PTPRD: variants seen among roughly 807,000 people sequenced by gnomAD.
PTPRD encodes receptor-type tyrosine-protein phosphatase delta.
PTPRD carries 34 observed loss-of-function variants against 214.5 expected under a neutral mutation model. The observed-to-expected ratio is 0.16, with a 90% CI of 0.12 to 0.21. PTPRD has a LOEUF of 0.21. Among genes scored for constraint, PTPRD ranks in the 10% least tolerant of loss-of-function variants. The pLI is 1.00. For missense variants in PTPRD, 2,545 were observed against 2,398.7 expected (o/e 1.06, Z -1.27); for synonymous variants, 1,128 against 845.7 (o/e 1.33, Z -5.79).
chr9:8,489,541 C>T (rs2097106111), intron 27 of PTPRD, among the ~76,000 whole-genome samples: 1 of 152,170 alleles, frequency 6.6e-6, no homozygotes, highest in East Asian at 1.9e-4. Flanking sequence ...GCTTATGCAG[C>T]TTGGGGAAGA....
At chr9:10,171,508 T>A (rs939421034) in intron 3 of PTPRD, among the ~76,000 whole-genome samples, 1 of 151,930 alleles carries the variant, frequency 6.6e-6, no homozygotes, top group African/African-American at 2.4e-5. Flanking sequence ...AATTACTCAG[T>A]CTCTGGTATA....
intron 12 of PTPRD, among the ~76,000 whole-genome samples, chr9:8,645,546 T>C (rs2096668694): frequency 6.6e-6 from 1 of 152,184 alleles, no homozygotes; most frequent in African/African-American, 2.4e-5. Context: ...TATTAAAGCA[T>C]TTCCCATTTG....
At chr9:10,496,168 T>C (rs756410688) in intron 2 of PTPRD, among the ~76,000 whole-genome samples, 4 of 151,972 alleles carry the variant, frequency 2.6e-5, no homozygotes, top group Admixed American at 6.6e-5. Context: ...GGCTATAATA[T>C]AAAAAATGTA....
At chr9:10,471,863 T>C (rs1467547700) in intron 2 of PTPRD, among the ~76,000 whole-genome samples, 10 of 152,046 alleles carry the variant, frequency 6.6e-5, no homozygotes, top group Non-Finnish European at 1.2e-4. Context: ...ACCATAATTA[T>C]TTGAAAAGGA....
intron 4 of PTPRD, among the ~76,000 whole-genome samples, chr9:9,995,882 C>G (rs10759122): frequency 0.85 from 128,741 of 152,134 alleles, 54,956 homozygotes; most frequent in Middle Eastern, 0.9. Context: ...TGTTAATTTA[C>G]ATTCCACTTG....
intron 11 of PTPRD, among the ~76,000 whole-genome samples, chr9:8,933,220 G>A (rs528984953): frequency 3.3e-5 from 5 of 151,900 alleles, no homozygotes; most frequent in African/African-American, 1.2e-4. Context: ...CAGTTCCAAT[G>A]AGATGAGCAG....
intron 3 of PTPRD, among the ~76,000 whole-genome samples, chr9:10,082,662 C>T (rs938790055): frequency 6.6e-6 from 1 of 151,788 alleles, no homozygotes; most frequent in East Asian, 1.9e-4. Flanking sequence ...TGCCTGATCC[C>T]TAGTAGTGCA....
At chr9:10,324,314 A>G (rs1057415899) in intron 3 of PTPRD, among the ~76,000 whole-genome samples, 3 of 152,078 alleles carry the variant, frequency 2.0e-5, no homozygotes, top group Non-Finnish European at 4.4e-5. Flanking sequence ...GATATTAATA[A>G]TACCTTATAA....
At chr9:9,832,100 C>T (rs546081067) in intron 5 of PTPRD, among the ~76,000 whole-genome samples, 71 of 152,126 alleles carry the variant, frequency 4.7e-4, no homozygotes, top group African/African-American at 1.6e-3. Flanking sequence ...AGGGTAATAA[C>T]TTGCCTATAA....
At position 8,317,884 on chromosome 9, in the gene PTPRD, T is replaced by C. The variant is rs781674096; in HGVS notation, c.5729A>G (p.Tyr1910Cys). The stretch of plus-strand genomic sequence containing the variant: ...ATGGGTCAGGGGTTTCTACGTTGCA[T>C]AGTGGTCAAAGCTGCCCAGGTACTC... ...ALEYLGSFDH[Y>C]AT The change falls in exon 46 of 46, where the codon TAT becomes TGT. Residue 1910 changes from tyrosine to cysteine, a missense_variant. By Grantham distance (194) the Tyr-to-Cys change is radical. Coordinates refer to ENST00000381196, the MANE Select transcript of PTPRD (RefSeq NM_002839.4). The C allele has an allele frequency of 1.3e-5, 21 of 1,612,030 alleles. No homozygotes were observed. The highest frequency in any genetic ancestry group is 2.7e-5 in the African/African-American group (2 of 74,736).
intron 11 of PTPRD, among the ~76,000 whole-genome samples, chr9:8,822,070 C>G (rs1414150648): frequency 6.6e-6 from 1 of 152,198 alleles, no homozygotes; most frequent in Non-Finnish European, 1.5e-5. Flanking sequence ...ACTGTGAAAG[C>G]AGAAAACACA....
chr9:9,056,865 G>C (rs541886093), intron 10 of PTPRD, among the ~76,000 whole-genome samples: 2 of 152,096 alleles, frequency 1.3e-5, no homozygotes, highest in African/African-American at 2.4e-5. Flanking sequence ...TGCATATTAG[G>C]GATAGAAAAA....
At chr9:10,009,633 C>T (rs558953841) in intron 4 of PTPRD, among the ~76,000 whole-genome samples, 1 of 151,954 alleles carries the variant, frequency 6.6e-6, no homozygotes, top group East Asian at 1.9e-4. Flanking sequence ...CTGTTGAGAT[C>T]TTTAAAAGGT....
intron 5 of PTPRD, among the ~76,000 whole-genome samples, chr9:9,907,222 C>T (rs1437580444): frequency 6.6e-6 from 1 of 151,872 alleles, no homozygotes; most frequent in Admixed American, 6.6e-5. Flanking sequence ...TTGTCATATA[C>T]ATGATGATTA....
intron 11 of PTPRD, among the ~76,000 whole-genome samples, chr9:8,763,969 T>TA (rs549825469): frequency 3.7e-4 from 56 of 152,362 alleles, no homozygotes; most frequent in South Asian, 2.7e-3. Context: ...TAATGCTTTT[T>TA]AAATATCAGT....
chr9:8,696,851 C>A (rs980415097), intron 12 of PTPRD, among the ~76,000 whole-genome samples: 7 of 152,154 alleles, frequency 4.6e-5, no homozygotes, highest in Non-Finnish European at 8.8e-5. Context: ...AAAAACCGTT[C>A]CCTTTCTTAG....
chr9:10,002,488 A>T (rs1023859399), intron 4 of PTPRD, among the ~76,000 whole-genome samples: 1 of 151,082 alleles, frequency 6.6e-6, no homozygotes, highest in Non-Finnish European at 1.5e-5. Flanking sequence ...TAAAAGGATG[A>T]TAAGATACAT....
intron 8 of PTPRD, among the ~76,000 whole-genome samples, chr9:9,554,678 T>G (rs1463207880): frequency 6.6e-6 from 1 of 151,950 alleles, no homozygotes; most frequent in African/African-American, 2.4e-5. Flanking sequence ...TCAACTCCAG[T>G]GTCTTCAAAT....
intron 10 of PTPRD, among the ~76,000 whole-genome samples, chr9:9,068,110 C>T (rs324510): frequency 0.97 from 148,384 of 152,258 alleles, 72,430 homozygotes; most frequent in Middle Eastern, 1. Context: ...ATTTTTTTCT[C>T]TCTCTTTTAG....
Sources: allele counts gnomAD v4.1 joint callset (sites outside exome capture counted in the v4.1 genomes callset), GRCh38; gene constraint gnomAD v4.1.1; transcripts MANE v1.5; gene names NCBI Gene and HGNC (gene_info 2026-07-23, HGNC 2026-07-21).